Variants in DEFB123 observed in about 807,000 individuals in gnomAD.
DEFB123 encodes the protein beta-defensin 123.
For synonymous variants in DEFB123, 22 were observed against 28.3 expected (o/e 0.78, Z 0.71); for missense variants, 71 against 75.0 (o/e 0.95, Z 0.20).
chr20:31,449,187 G>T (rs1260682239), intron 1 of DEFB123, among the ~76,000 whole-genome samples: 1 of 149,592 alleles, frequency 6.7e-6, no homozygotes, highest in African/African-American at 2.5e-5. Flanking sequence ...TTTTCTCCTG[G>T]TTATGGGTCA....
chr20:31,450,232 C>A lies in DEFB123; in HGVS notation c.*58C>A. 1 of 1,544,794 alleles carries A rather than the reference C, an allele frequency of 6.5e-7. No homozygotes were observed. The highest frequency in any genetic ancestry group is 2.4e-5 in the East Asian group (1 of 42,450). ...ATGAAGCTCCCAGTGGATTCCCACA[C>A]TCTATCAATAAACACCTCTGGCTGA... On this transcript the variant is annotated 3_prime_UTR_variant, in exon 2 of 2. Coordinates refer to ENST00000376309, the MANE Select transcript of DEFB123 (RefSeq NM_153324.4).
intron 1 of DEFB123, among the ~76,000 whole-genome samples, chr20:31,445,060 C>T (rs780972213): frequency 1.3e-5 from 2 of 152,178 alleles, no homozygotes; most frequent in African/African-American, 2.4e-5. Context: ...GTTGAAAAAA[C>T]ATAAGTCATT....
chr20:31,442,584 G>A, intron 1 of DEFB123, among the ~76,000 whole-genome samples: 1 of 149,756 alleles, frequency 6.7e-6, no homozygotes, highest in Non-Finnish European at 1.5e-5. Context: ...AGGGGAAGGG[G>A]AAGGTCATTT....
At chr20:31,442,410 T>C (rs572259851) in intron 1 of DEFB123, among the ~76,000 whole-genome samples, 3 of 152,196 alleles carry the variant, frequency 2.0e-5, no homozygotes, top group African/African-American at 7.2e-5. Flanking sequence ...TGATGGGTGC[T>C]AGAGGTAGAA....
chr20:31,441,040 A>G (rs1478710286), intron 1 of DEFB123, among the ~76,000 whole-genome samples: 1 of 152,204 alleles, frequency 6.6e-6, no homozygotes, highest in African/African-American at 2.4e-5. Flanking sequence ...GAGAAGCAGG[A>G]AAGAGGAGAG....
At chr20:31,448,948 G>A (rs946574448) in intron 1 of DEFB123, among the ~76,000 whole-genome samples, 4 of 147,040 alleles carry the variant, frequency 2.7e-5, no homozygotes, top group South Asian at 2.1e-4. Context: ...GGCTGGTCTC[G>A]AACTCCTGAC....
intron 1 of DEFB123, among the ~76,000 whole-genome samples, chr20:31,442,440 A>T (rs1979485570): frequency 6.6e-6 from 1 of 152,196 alleles, no homozygotes; most frequent in Non-Finnish European, 1.5e-5. Context: ...AAACAAGATA[A>T]GCAAAATCTC....
At chr20:31,442,516 G>T (rs959514162) in intron 1 of DEFB123, among the ~76,000 whole-genome samples, 2 of 151,726 alleles carry the variant, frequency 1.3e-5, no homozygotes, top group Admixed American at 1.3e-4. Context: ...GAAACATATG[G>T]TATGTCAGAT....
At chr20:31,446,711 C>T (rs148087912) in intron 1 of DEFB123, among the ~76,000 whole-genome samples, 1,571 of 152,266 alleles carry the variant, frequency 0.01, 31 homozygotes, top group African/African-American at 0.036. Context: ...CATGCCAATT[C>T]GCACATTGTG....
intron 1 of DEFB123, 41 bp downstream of exon 1, chr20:31,440,797 C>G: frequency 6.2e-7 from 1 of 1,609,130 alleles, no homozygotes; most frequent in Non-Finnish European, 8.5e-7. Flanking sequence ...GGCTTAGAGA[C>G]TAAGGCCTGG....
chr20:31,445,135 TC>T (rs1276535262), intron 1 of DEFB123, among the ~76,000 whole-genome samples: 3 of 152,236 alleles, frequency 2.0e-5, no homozygotes, highest in African/African-American at 7.2e-5. Flanking sequence ...TTCAATGTGT[TC>T]CTCTGACCTC....
chr20:31,443,204 C>T (rs1384983131), intron 1 of DEFB123, among the ~76,000 whole-genome samples: 1 of 152,148 alleles, frequency 6.6e-6, no homozygotes, highest in Non-Finnish European at 1.5e-5. Flanking sequence ...CTCGACCCTT[C>T]ATCTCAGCCA....
intron 1 of DEFB123, among the ~76,000 whole-genome samples, chr20:31,443,433 A>T (rs761971588): frequency 6.6e-6 from 1 of 152,222 alleles, no homozygotes; most frequent in Admixed American, 6.5e-5. Flanking sequence ...AGGTAGCACC[A>T]TGCAGTGCTA....
chr20:31,447,231 C>A (rs560568859), intron 1 of DEFB123, among the ~76,000 whole-genome samples: 24 of 152,042 alleles, frequency 1.6e-4, no homozygotes, highest in Non-Finnish European at 3.4e-4. Context: ...CATTGCACTC[C>A]AGCCTGGGCA....
chr20:31,445,140 T>C (rs1399689184), intron 1 of DEFB123, among the ~76,000 whole-genome samples: 1 of 152,258 alleles, frequency 6.6e-6, no homozygotes, highest in Non-Finnish European at 1.5e-5. Context: ...TGTGTTCCTC[T>C]GACCTCTGCA....
At chr20:31,446,301 A>C (rs1024377994) in intron 1 of DEFB123, among the ~76,000 whole-genome samples, 6 of 152,244 alleles carry the variant, frequency 3.9e-5, no homozygotes, top group African/African-American at 1.4e-4. Flanking sequence ...GCCTAGGCTG[A>C]GAAACGGATT....
At chr20:31,444,633 T>A (rs925527178) in intron 1 of DEFB123, among the ~76,000 whole-genome samples, 3 of 152,216 alleles carry the variant, frequency 2.0e-5, no homozygotes, top group Non-Finnish European at 4.4e-5. Context: ...CTCTTGACAC[T>A]CTTAAATTAA....
intron 1 of DEFB123, among the ~76,000 whole-genome samples, chr20:31,442,697 C>T (rs1002099744): frequency 1.3e-5 from 2 of 151,270 alleles, no homozygotes; most frequent in Non-Finnish European, 2.9e-5. Context: ...CAACCTCCAC[C>T]TCCCGGATTC....
chr20:31,440,816 TC>T, intron 1 of DEFB123, 60 bp downstream of exon 1: 1 of 1,597,986 alleles, frequency 6.3e-7, no homozygotes. Context: ...GGTCAGAGAA[TC>T]CCAAGGGCTA....
Sources: allele counts gnomAD v4.1 joint callset (sites outside exome capture counted in the v4.1 genomes callset), GRCh38; gene constraint gnomAD v4.1.1; transcripts MANE v1.5; gene names NCBI Gene and HGNC (gene_info 2026-07-23, HGNC 2026-07-21).